The following FHOD3 variants were observed in gnomAD, a reference collection of about 807,000 sequenced individuals.
FHOD3 encodes the protein FH1/FH2 domain-containing protein 3.
Under a neutral mutation model 173.0 loss-of-function variants are expected in FHOD3, and 90 were observed. The observed-to-expected ratio is 0.52, with a 90% confidence interval of 0.44 to 0.62. The LOEUF is 0.62. Ranked by LOEUF, FHOD3 falls within the 20% of genes least tolerant of loss-of-function variation. The probability of loss-of-function intolerance (pLI) is 0.00; values close to 1 mark genes in which losing one functional copy is unlikely to be tolerated. For missense variants in FHOD3, 1,945 were observed against 2,034.7 expected, an observed-to-expected ratio of 0.96 and a Z score of 0.85; for synonymous variants, 828 against 823.0, an observed-to-expected ratio of 1.01 and a Z score of -0.10.
At chr18:36,655,053 C>CTT (rs56831321) in intron 13 of FHOD3, among the ~76,000 whole-genome samples, 12 of 125,056 alleles carry the variant, frequency 9.6e-5, no homozygotes, top group Non-Finnish European at 1.7e-4. Context: ...TTTTTTCCTT[C>CTT]TTTTTTTTTT....
chr18:36,501,644 T>A (rs2055037109), intron 3 of FHOD3, among the ~76,000 whole-genome samples: 1 of 152,160 alleles, frequency 6.6e-6, no homozygotes, highest in South Asian at 2.1e-4. Context: ...TAGGTGATAG[T>A]TGTCAGTGAT....
At position 36,742,867 on chromosome 18, in the gene FHOD3, C is replaced by T; in HGVS notation, c.3879+11C>T. Reference sequence around the variant, plus strand: ...CTAAATGGAACTAATGTAAGTCATCCCCATCCCTCATCCTGTAGCCCCCCC... The same window carrying T: ...CTAAATGGAACTAATGTAAGTCATCTCCATCCCTCATCCTGTAGCCCCCCC... On this transcript the variant is annotated intron_variant, in intron 22 of 28. Coordinates refer to ENST00000590592, the MANE Select transcript of FHOD3 (RefSeq NM_001281740.3). The T allele has an allele frequency of 2.5e-6, 4 of 1,608,050 alleles. No homozygotes were observed. Among genetic ancestry groups the T allele is most frequent in the Non-Finnish European group, 3.4e-6 (4 of 1,177,896 alleles).
At chr18:36,709,500 A>G (rs945338264) in intron 18 of FHOD3, 109 bp downstream of exon 18, 61 of 1,223,102 alleles carry the variant, frequency 5.0e-5, no homozygotes, top group Non-Finnish European at 6.8e-5. Flanking sequence ...GACCTGGGTC[A>G]ACCCACTCAT....
At chr18:36,688,271 T>C (rs1568609805) in intron 16 of FHOD3, among the ~76,000 whole-genome samples, 1 of 152,238 alleles carries the variant, frequency 6.6e-6, no homozygotes. Context: ...ACACCTTTTA[T>C]GCTGGAGCCA....
At chr18:36,437,031 G>T (rs377409389) in intron 3 of FHOD3, among the ~76,000 whole-genome samples, 42 of 152,144 alleles carry the variant, frequency 2.8e-4, no homozygotes, top group African/African-American at 9.2e-4. Context: ...ACAAGCAAAA[G>T]GTAAGCTAAG....
chr18:36,458,923 C>T (rs2052387990), intron 3 of FHOD3, among the ~76,000 whole-genome samples: 1 of 152,164 alleles, frequency 6.6e-6, no homozygotes, highest in Non-Finnish European at 1.5e-5. Context: ...TTTTCAGACA[C>T]TGCTGTTACT....
intron 14 of FHOD3, among the ~76,000 whole-genome samples, chr18:36,659,168 G>A (rs1600122527): frequency 6.6e-6 from 1 of 152,176 alleles, no homozygotes; most frequent in Non-Finnish European, 1.5e-5. Flanking sequence ...GTTTGGTTGG[G>A]TTGAGAGCAG....
At chr18:36,392,051 G>C (rs551176027) in intron 3 of FHOD3, among the ~76,000 whole-genome samples, 3 of 152,232 alleles carry the variant, frequency 2.0e-5, no homozygotes, top group Non-Finnish European at 4.4e-5. Context: ...CTGGACCCTG[G>C]TGTAGCGGGG....
chr18:36,754,023 C>G (rs2042520043), intron 24 of FHOD3, among the ~76,000 whole-genome samples: 1 of 152,136 alleles, frequency 6.6e-6, no homozygotes, highest in Non-Finnish European at 1.5e-5. Flanking sequence ...TCCTTTGAAA[C>G]ACAAAAGTTT....
intron 1 of FHOD3, among the ~76,000 whole-genome samples, chr18:36,348,787 G>T (rs1166104137): frequency 2.6e-5 from 4 of 152,114 alleles, no homozygotes; most frequent in African/African-American, 9.7e-5. Context: ...TTGGGCTCAG[G>T]TATATTCTTG....
chr18:36,432,603 C>T (rs1025056768), intron 3 of FHOD3, among the ~76,000 whole-genome samples: 14 of 152,120 alleles, frequency 9.2e-5, no homozygotes, highest in Non-Finnish European at 1.8e-4. Flanking sequence ...CAGTTCTGCC[C>T]ATTCTTCTCA....
intron 1 of FHOD3, among the ~76,000 whole-genome samples, chr18:36,299,248 G>T (rs191532383): frequency 6.6e-6 from 1 of 152,144 alleles, no homozygotes; most frequent in Admixed American, 6.5e-5. Context: ...ATTCTCTCCT[G>T]GTTGGTTCAG....
At chr18:36,410,816 T>C (rs1300451484) in intron 3 of FHOD3, among the ~76,000 whole-genome samples, 1 of 152,212 alleles carries the variant, frequency 6.6e-6, no homozygotes, top group Non-Finnish European at 1.5e-5. Flanking sequence ...GGAGAAATGT[T>C]CTTCAAATCC....
At chr18:36,707,383 G>A (rs2039941714) in intron 17 of FHOD3, among the ~76,000 whole-genome samples, 2 of 152,184 alleles carry the variant, frequency 1.3e-5, no homozygotes, top group Admixed American at 6.5e-5. Context: ...TCAAAGGAGA[G>A]GAATTTACTC....
chr18:36,716,251 C>T (rs986833856), intron 18 of FHOD3, among the ~76,000 whole-genome samples: 2 of 152,178 alleles, frequency 1.3e-5, no homozygotes, highest in East Asian at 1.9e-4. Flanking sequence ...CAGGAACCCA[C>T]GCTGGCCTGG....
intron 3 of FHOD3, among the ~76,000 whole-genome samples, chr18:36,413,762 C>G (rs1229420538): frequency 6.6e-6 from 1 of 152,168 alleles, no homozygotes; most frequent in Non-Finnish European, 1.5e-5. Context: ...ATATACATAA[C>G]AGAAGAATTC....
At chr18:36,611,914 C>A (rs748004329) in intron 8 of FHOD3, 38 bp from the exon 9 acceptor site, 3 of 1,595,620 alleles carry the variant, frequency 1.9e-6, no homozygotes, top group Non-Finnish European at 2.6e-6. Context: ...AGGCAGTCTT[C>A]TGTGGTGTCT....
chr18:36,639,679 T>C (rs1175907273), intron 10 of FHOD3, among the ~76,000 whole-genome samples: 20 of 124,334 alleles, frequency 1.6e-4, no homozygotes, highest in Non-Finnish European at 1.9e-4. Context: ...AAAAAAAAGC[T>C]GGGCGTGGTG....
intron 5 of FHOD3, among the ~76,000 whole-genome samples, chr18:36,563,536 A>C (rs1312648184): frequency 6.6e-6 from 1 of 152,222 alleles, no homozygotes; most frequent in Non-Finnish European, 1.5e-5. Context: ...GTGCTAATAC[A>C]TCAGCATATT....
Sources: gnomAD v4.1 joint callset for allele counts (sites outside exome capture counted in the v4.1 genomes callset) on GRCh38, gnomAD v4.1.1 for gene constraint, MANE v1.5 for transcripts, NCBI Gene and HGNC (gene_info 2026-07-23, HGNC 2026-07-21) for gene names.